DCAF6: variants seen among roughly 807,000 people sequenced by gnomAD.
The protein encoded by DCAF6 is DDB1 and CUL4 associated factor 6.
In DCAF6, 54 loss-of-function variants were observed where a neutral mutation model predicts 125.1. The observed-to-expected ratio is 0.43, with a 90% CI of 0.35 to 0.54. The LOEUF (loss-of-function observed/expected upper bound fraction) is 0.54, where lower values mean the gene tolerates loss of function less well. Among genes scored for constraint, DCAF6 ranks in the 20% least tolerant of loss-of-function variants. The pLI is 0.01. For missense variants in DCAF6, 934 were observed against 1,161.7 expected, an observed-to-expected ratio of 0.80 and a Z score of 2.85; for synonymous variants, 371 against 390.4, an observed-to-expected ratio of 0.95 and a Z score of 0.58.
At chr1:167,868,527 C>T in the DCAF6 span, among the ~76,000 whole-genome samples, 27 of 152,210 alleles carry the variant, frequency 1.8e-4, 1 homozygote, top group South Asian at 3.3e-3. Context: ...AGTTGCAGAC[C>T]GTTTAAGCCC....
At chr1:167,933,338 T>G (rs969025184), upstream of DCAF6, among the ~76,000 whole-genome samples, 3 of 152,108 alleles carry the variant, frequency 2.0e-5, no homozygotes, top group Non-Finnish European at 4.4e-5. Flanking sequence ...CGGCTAATTT[T>G]TGTATTTTAG....
intron 7 of DCAF6, among the ~76,000 whole-genome samples, chr1:167,995,405 C>T (rs959044184): frequency 2.0e-5 from 3 of 152,052 alleles, no homozygotes; most frequent in South Asian, 2.1e-4. Context: ...GTTGGCCGGG[C>T]GTAGTGGCTT....
chr1:168,075,277 T>A, intron 21 of DCAF6, 94 bp from the exon 22 acceptor site: 1 of 1,196,386 alleles, frequency 8.4e-7, no homozygotes, highest in Non-Finnish European at 1.2e-6. Context: ...TGAACTGATT[T>A]TTAATGCGTT....
chr1:167,870,586 A>G, the DCAF6 span, among the ~76,000 whole-genome samples: 2 of 145,120 alleles, frequency 1.4e-5, no homozygotes, highest in Non-Finnish European at 3.0e-5. Flanking sequence ...TGAGGTCAGG[A>G]GTTCGTGACC....
intron 2 of DCAF6, among the ~76,000 whole-genome samples, chr1:167,966,127 G>T (rs1676380569): frequency 1.3e-5 from 2 of 152,054 alleles, no homozygotes; most frequent in Non-Finnish European, 2.9e-5. Flanking sequence ...ATTTTGTCCT[G>T]TGTCCTTACC....
the DCAF6 span, among the ~76,000 whole-genome samples, chr1:167,890,946 T>C: frequency 1.1e-4 from 17 of 152,120 alleles, no homozygotes; most frequent in Admixed American, 1.0e-3. Flanking sequence ...TCATCCAACA[T>C]TTATTTATTT....
At chr1:168,060,227 CTGGAATACA>C (rs766246555) in intron 17 of DCAF6, among the ~76,000 whole-genome samples, 6 of 152,052 alleles carry the variant, frequency 3.9e-5, no homozygotes, top group Non-Finnish European at 7.4e-5. Flanking sequence ...GTTACCCAGG[CTGGAATACA>C]TGGCATGATC....
intron 12 of DCAF6, among the ~76,000 whole-genome samples, chr1:168,028,609 T>C (rs911572564): frequency 1.3e-5 from 2 of 152,238 alleles, no homozygotes; most frequent in Non-Finnish European, 2.9e-5. Context: ...GCTGACTGTC[T>C]TTGATGTTTG....
At chr1:167,925,484 T>C in the DCAF6 span, among the ~76,000 whole-genome samples, 6 of 136,846 alleles carry the variant, frequency 4.4e-5, no homozygotes, top group Admixed American at 7.5e-5. Flanking sequence ...TACATATACA[T>C]ATACACACAC....
At chr1:168,065,406 C>T (rs1022167790) in intron 18 of DCAF6, among the ~76,000 whole-genome samples, 184 bp from the exon 19 acceptor site, 3 of 152,012 alleles carry the variant, frequency 2.0e-5, no homozygotes, top group African/African-American at 7.2e-5. Flanking sequence ...CCTTGGCCTC[C>T]CAAAGTGCTG....
At chr1:168,041,303 A>G (rs886611866) in intron 13 of DCAF6, among the ~76,000 whole-genome samples, 2 of 151,948 alleles carry the variant, frequency 1.3e-5, no homozygotes, top group African/African-American at 2.4e-5. Context: ...AGAGCTATTT[A>G]TTTATTATAG....
At chr1:168,009,382 CCTTCCTTTCTTTCTTT>C (rs1683891118) in intron 10 of DCAF6, among the ~76,000 whole-genome samples, 1 of 108,072 alleles carries the variant, frequency 9.3e-6, no homozygotes, top group Non-Finnish European at 1.9e-5. Context: ...TTCCTTCCTT[CCTTCCTTTCTTTCTTT>C]CTTTCTCTCT....
intron 21 of DCAF6, among the ~76,000 whole-genome samples, chr1:168,074,909 T>G (rs1693628620): frequency 6.6e-6 from 1 of 152,254 alleles, no homozygotes; most frequent in Non-Finnish European, 1.5e-5. Context: ...AATTTACATC[T>G]GTTTTGGTCA....
At chr1:168,072,768 G>T (rs1693276139) in intron 21 of DCAF6, among the ~76,000 whole-genome samples, 1 of 152,058 alleles carries the variant, frequency 6.6e-6, no homozygotes, top group Non-Finnish European at 1.5e-5. Context: ...AAACAACAGT[G>T]TTTTTTGTGA....
rs750922643 is a variant in DCAF6 at position 167,974,991 on chromosome 1, G to A, written c.414G>A (p.Thr138=). Residue 138 remains threonine (T), a synonymous_variant, in exon 4 of 22, where the codon ACG becomes ACA. Transcript: ENST00000367840. ...AAACCAACAGACAATGCCAATTTAC[G>A]TGTCATTATGGAACTACTTATGAGG... ...DAETNRQCQF[T]CHYGTTYEIM... is the part of the protein sequence containing the mutation. 7 of 1,598,862 alleles carry A rather than the reference G, an allele frequency of 4.4e-6. No homozygotes were observed. The highest frequency in any genetic ancestry group is 1.7e-4 in the Middle Eastern group (1 of 6,004).
At chr1:168,050,687 A>G (rs773055401) in intron 16 of DCAF6, among the ~76,000 whole-genome samples, 2 of 152,182 alleles carry the variant, frequency 1.3e-5, no homozygotes, top group African/African-American at 2.4e-5. Flanking sequence ...TCTAGCTTCA[A>G]TGAGTGTTTC....
Position 168,031,777 on chromosome 1 carries a change from G to C in DCAF6, c.1610-6594G>C, listed in dbSNP as rs79498844. On this transcript the variant is annotated intron_variant, in intron 12 of 21. Coordinates refer to ENST00000367840, the MANE Select transcript of DCAF6 (RefSeq NM_001198956.2). ...AAATACTGGAAAAGGATTTTGGCAGGACTCATGTGCCACATGGCGTGGGCG... is the reference window on the plus strand; with the variant it reads ...AAATACTGGAAAAGGATTTTGGCAGCACTCATGTGCCACATGGCGTGGGCG... 4.3e-4 allele frequency among the ~76,000 whole-genome samples: 66 copies of C among 152,226 alleles called. No homozygotes were observed. The East Asian group carries it at 9.6e-3, about 22-fold the overall frequency.
Position 167,973,086 on chromosome 1 carries a change from C to T in DCAF6, c.253-1744C>T, listed in dbSNP as rs115252715. Among the ~76,000 whole-genome samples the T allele has an allele frequency of 3.9e-3, 601 of 152,306 alleles. 3 individuals are homozygous for T. Among genetic ancestry groups the T allele is most frequent in the African/African-American group, 0.013 (559 of 41,562 alleles). ...GCTGTATGTAGTGTGTAGTTAGCTA[C>T]TTGGTAAACCACCCTAAATCTCTGA... On this transcript the variant is annotated intron_variant, in intron 3 of 21. Transcript: ENST00000367840.
the DCAF6 span, among the ~76,000 whole-genome samples, chr1:167,919,737 C>A: frequency 2.0e-5 from 3 of 152,030 alleles, no homozygotes; most frequent in African/African-American, 7.2e-5. Context: ...TACTGCTTAA[C>A]TGATTTTAGT....
Sources: gnomAD v4.1 joint callset for allele counts (sites outside exome capture counted in the v4.1 genomes callset) on GRCh38, gnomAD v4.1.1 for gene constraint, MANE v1.5 for transcripts, NCBI Gene and HGNC (gene_info 2026-07-23, HGNC 2026-07-21) for gene names.